The following DHX15 variants were observed in gnomAD, a reference collection of about 807,000 sequenced individuals.
DHX15 encodes the protein DEAH-box helicase 15, also known as ATP-dependent RNA helicase DHX15.
DHX15 carries 11 observed loss-of-function variants against 94.4 expected under a neutral mutation model. The ratio of observed to expected loss-of-function variants is 0.12; its 90% CI spans 0.07 to 0.19. The LOEUF (loss-of-function observed/expected upper bound fraction) is 0.19. Ranked by LOEUF, DHX15 falls within the 10% of genes least tolerant of loss-of-function variation. The probability of loss-of-function intolerance (pLI) is 1.00; values close to 1 mark genes in which losing one functional copy is unlikely to be tolerated. For synonymous variants in DHX15, 338 were observed against 329.9 expected, an observed-to-expected ratio of 1.02 and a Z score of -0.27; for missense variants, 304 against 988.5, an observed-to-expected ratio of 0.31 and a Z score of 9.29.
At chr4:24,552,118 C>T (rs1428536685) in intron 5 of DHX15, among the ~76,000 whole-genome samples, 1 of 152,174 alleles carries the variant, frequency 6.6e-6, no homozygotes, top group African/African-American at 2.4e-5. Flanking sequence ...ACACTATCAG[C>T]TGAGAATGCC....
At chr4:24,532,677 C>A (rs1457377928) in intron 12 of DHX15, among the ~76,000 whole-genome samples, 187 bp downstream of exon 12, 1 of 152,160 alleles carries the variant, frequency 6.6e-6, no homozygotes, top group South Asian at 2.1e-4. Context: ...TAATTTGTTA[C>A]TCATTAAATA....
intron 2 of DHX15, among the ~76,000 whole-genome samples, chr4:24,575,896 T>A (rs1560776270): frequency 6.6e-6 from 1 of 152,186 alleles, no homozygotes; most frequent in East Asian, 1.9e-4. Flanking sequence ...AAATACCATA[T>A]TAAATACAAA....
At chr4:24,576,194 G>A (rs1722263550) in intron 2 of DHX15, 49 bp downstream of exon 2, 10 of 1,465,388 alleles carry the variant, frequency 6.8e-6, no homozygotes, top group Admixed American at 1.8e-5. Context: ...GCAACATTTG[G>A]TAAACTTAAA....
intron 3 of DHX15, among the ~76,000 whole-genome samples, chr4:24,560,945 A>C (rs1220452043): frequency 2.6e-5 from 4 of 152,256 alleles, no homozygotes; most frequent in Admixed American, 6.5e-5. Flanking sequence ...TGAGTTGGCA[A>C]GGGTAAAGAA....
At chr4:24,582,687 A>AG (rs1722443281) in intron 1 of DHX15, among the ~76,000 whole-genome samples, 1 of 152,252 alleles carries the variant, frequency 6.6e-6, no homozygotes, top group Admixed American at 6.5e-5. Context: ...TGACAAAGGC[A>AG]GGGTTCCAGA....
chr4:24,560,684 C>T (rs922473236), intron 3 of DHX15, among the ~76,000 whole-genome samples: 1 of 152,022 alleles, frequency 6.6e-6, no homozygotes, highest in Non-Finnish European at 1.5e-5. Context: ...TTTTATAATA[C>T]CGCATATTTG....
At chr4:24,548,808 T>G in intron 6 of DHX15, 47 bp downstream of exon 6, 1 of 1,550,158 alleles carries the variant, frequency 6.5e-7, no homozygotes, top group Non-Finnish European at 8.8e-7. Context: ...TTATATCTCA[T>G]AAATCATTAT....
At chr4:24,566,401 T>C (rs1721993442) in intron 3 of DHX15, among the ~76,000 whole-genome samples, 1 of 152,196 alleles carries the variant, frequency 6.6e-6, no homozygotes, top group African/African-American at 2.4e-5. Flanking sequence ...AAGTAGTCTT[T>C]ATACAGTTGG....
At chr4:24,547,885 C>G (rs1422909385) in intron 6 of DHX15, among the ~76,000 whole-genome samples, 46 of 12,176 alleles carry the variant, frequency 3.8e-3, no homozygotes, top group African/African-American at 5.6e-3. Flanking sequence ...CTCTCTCTCT[C>G]TCTCTATGTA....
At chr4:24,568,755 T>C (rs1210116647) in intron 3 of DHX15, among the ~76,000 whole-genome samples, 2 of 152,168 alleles carry the variant, frequency 1.3e-5, no homozygotes, top group Admixed American at 6.5e-5. Context: ...ATGAGTAAAA[T>C]CTCCCCCTTA....
At chr4:24,573,720 C>T (rs1007995038) in intron 2 of DHX15, among the ~76,000 whole-genome samples, 1 of 152,172 alleles carries the variant, frequency 6.6e-6, no homozygotes, top group Non-Finnish European at 1.5e-5. Context: ...GTCTCACCTG[C>T]CCCACCTCCA....
chr4:24,529,468 C>T lies in DHX15; in HGVS notation c.2270+133G>A, dbSNP rs2109390372. 4 of 714,342 alleles carry T rather than the reference C, an allele frequency of 5.6e-6. No individual in the cohort carries two copies. In the South Asian group the frequency reaches 7.7e-5, roughly 14 times the overall value. 44.3% of individuals were successfully genotyped at this position (714,342 alleles called of 1,614,324 possible). ...TGAAAGATTAATCACACCATCCAGT[C>T]AATTCCCTCATACCTACACACTGAA... On this transcript the variant is annotated intron_variant, in intron 13 of 13. Coordinates refer to ENST00000336812, the MANE Select transcript of DHX15 (RefSeq NM_001358.3).
Position 24,584,400 on chromosome 4 carries a change from A to C in DHX15, c.-7T>G, listed in dbSNP as rs1453214388. On this transcript the variant is annotated 5_prime_UTR_variant, in exon 1 of 14. Transcript: ENST00000336812. ...ACCGGTGCCGCTTGGACATCCTCGC[A>C]CTCTTCGAACGGGCAGTTATTAAGG... 2 of 1,610,390 alleles carry C rather than the reference A, an allele frequency of 1.2e-6. No individual in the cohort carries two copies. The highest frequency in any genetic ancestry group is 2.7e-5 in the African/African-American group (2 of 74,408).
chr4:24,529,013 A>T lies in DHX15; in HGVS notation c.2270+588T>A, dbSNP rs910572152. On this transcript the variant is annotated intron_variant, in intron 13 of 13. Transcript: ENST00000336812. ...GAAACTCTAAAAATTAAAAAAATTAAAAAAAAACCCTTTTTTAAAAGTATG... is the reference window on the plus strand; with the variant it reads ...GAAACTCTAAAAATTAAAAAAATTATAAAAAAACCCTTTTTTAAAAGTATG... Among the ~76,000 whole-genome samples, 3 of 140,676 alleles carry T rather than the reference A, an allele frequency of 2.1e-5. No individual in the cohort carries two copies. The East Asian group carries it at 6.9e-4, about 32-fold the overall frequency. The allele number at this position is 140,676 out of a possible 152,430, so 92.3% of individuals were successfully genotyped here. A position where few individuals can be genotyped will look rare whatever the true frequency, so the allele number is the denominator to read the frequency against.
chr4:24,549,039 A>G lies in DHX15; in HGVS notation c.1081-17T>C, dbSNP rs1721527827. On this transcript the variant is annotated splice_polypyrimidine_tract_variant and intron_variant, in intron 5 of 13. Coordinates refer to ENST00000336812, the MANE Select transcript of DHX15 (RefSeq NM_001358.3). ...ATCAATTTCCTACAAAATAAAAGTG[A>G]GTCTAAAAACGAATACTGAAACATT... The G allele has an allele frequency of 2.5e-6, 4 of 1,600,062 alleles. No homozygotes were observed. The highest frequency in any genetic ancestry group is 3.4e-6 in the Non-Finnish European group (4 of 1,172,962).
At chr4:24,549,057 G>T in intron 5 of DHX15, 35 bp from the exon 6 acceptor site, 1 of 1,554,364 alleles carries the variant, frequency 6.4e-7, no homozygotes, top group Non-Finnish European at 8.8e-7. Flanking sequence ...AACGAATACT[G>T]AAACATTTTA....
intron 3 of DHX15, among the ~76,000 whole-genome samples, 156 bp downstream of exon 3, chr4:24,570,498 T>A (rs1178433962): frequency 3.3e-5 from 5 of 152,094 alleles, no homozygotes. Flanking sequence ...ACCAATAATA[T>A]ATAATTAAAC....
chr4:24,573,876 A>T (rs1183776004), intron 2 of DHX15, among the ~76,000 whole-genome samples: 1 of 152,058 alleles, frequency 6.6e-6, no homozygotes, highest in African/African-American at 2.4e-5. Context: ...AGCAATGTGA[A>T]ATGTCTTTAT....
In DHX15 at chr4:24,570,088, G is replaced by C. The variant is rs575160771; in HGVS notation, c.701+566C>G. 7.2e-5 allele frequency among the ~76,000 whole-genome samples: 11 copies of C among 152,344 alleles called. No homozygotes were observed. The East Asian group carries it at 2.1e-3, about 29-fold the overall frequency. ...AGTATAAGACAATAAAAAGTTGGTA[G>C]AGTTAAAACATTAGAAAGCTCAATA... On this transcript the variant is annotated intron_variant, in intron 3 of 13. Transcript: ENST00000336812.
Sources: allele counts gnomAD v4.1 joint callset (sites outside exome capture counted in the v4.1 genomes callset), GRCh38; gene constraint gnomAD v4.1.1; transcripts MANE v1.5; gene names NCBI Gene and HGNC (gene_info 2026-07-23, HGNC 2026-07-21).